The following BABAM2 variants were observed in gnomAD, a reference collection of about 807,000 sequenced individuals.
The protein encoded by BABAM2 is BRISC and BRCA1 A complex member 2, also known as BRISC and BRCA1-A complex member 2.
A neutral mutation model predicts 54.7 loss-of-function variants in BABAM2; 31 were observed. The ratio of observed to expected loss-of-function variants is 0.57; its 90% CI spans 0.43 to 0.77. The LOEUF is 0.77. Ranked by LOEUF, BABAM2 falls within the 30% of genes least tolerant of loss-of-function variation. The pLI, the probability that BABAM2 is intolerant of heterozygous loss-of-function variation, is 0.00. For missense variants in BABAM2, 364 were observed against 455.8 expected (o/e 0.80, Z 1.83); for synonymous variants, 167 against 162.9 (o/e 1.03, Z -0.19).
chr2:27,986,786 A>G (rs566732594), intron 3 of BABAM2, among the ~76,000 whole-genome samples: 1 of 152,318 alleles, frequency 6.6e-6, no homozygotes, highest in East Asian at 1.9e-4. Context: ...TTATGTATGT[A>G]TGTGTACAGA....
intron 4 of BABAM2, among the ~76,000 whole-genome samples, chr2:27,998,674 C>G (rs1573360783): frequency 6.6e-6 from 1 of 152,092 alleles, no homozygotes; most frequent in East Asian, 1.9e-4. Context: ...CCACTTGAAT[C>G]TAAATGAAAT....
chr2:28,306,504 C>G lies in BABAM2; in HGVS notation c.1088+8013C>G, dbSNP rs13410067. Among the ~76,000 whole-genome samples, 21 of 152,174 alleles carry G rather than the reference C, an allele frequency of 1.4e-4. No individual in the cohort carries two copies. The East Asian group carries it at 4.0e-3, about 29-fold the overall frequency. Reference sequence around the variant, plus strand: ...CTGGCAATATTCTTTGACTTGAAATCTGCTCCATTTGATATTAAAATTGTT... The same window carrying G: ...CTGGCAATATTCTTTGACTTGAAATGTGCTCCATTTGATATTAAAATTGTT... On this transcript the variant is annotated intron_variant, in intron 11 of 11. Transcript: ENST00000379624.
At position 28,215,513 on chromosome 2, in the gene BABAM2, A is replaced by G. The variant is rs1412276470; in HGVS notation, c.681-21689A>G. Among the ~76,000 whole-genome samples, 4 of 152,342 alleles carry G rather than the reference A, an allele frequency of 2.6e-5. No homozygotes were observed. The South Asian group carries it at 8.3e-4, about 32-fold the overall frequency. On this transcript the variant is annotated intron_variant, in intron 7 of 11. Coordinates refer to ENST00000379624, the MANE Select transcript of BABAM2 (RefSeq NM_199191.3). ...GGCATTTGGGATGACACAGGGTTAT[A>G]TGAAGTACATAATTCATTTTAGAAG...
intron 5 of BABAM2, among the ~76,000 whole-genome samples, chr2:28,041,561 G>C (rs1406588059): frequency 6.6e-6 from 1 of 152,200 alleles, no homozygotes; most frequent in Non-Finnish European, 1.5e-5. Context: ...TACCATGGAG[G>C]AGAGAGTTTC....
chr2:28,112,914 G>A (rs1456918744), intron 6 of BABAM2, among the ~76,000 whole-genome samples: 4 of 152,162 alleles, frequency 2.6e-5, no homozygotes, highest in East Asian at 3.9e-4. Flanking sequence ...GCATGAGATG[G>A]TATCTCATTG....
In BABAM2 at chr2:28,018,355, C is replaced by G. The variant is rs369172211; in HGVS notation, c.301-6871C>G. Among the ~76,000 whole-genome samples, 19 of 152,288 alleles carry G rather than the reference C, an allele frequency of 1.2e-4. 1 individual carries two copies. Among genetic ancestry groups the G allele is most frequent in the African/African-American group, 4.3e-4 (18 of 41,562 alleles). On this transcript the variant is annotated intron_variant, in intron 4 of 11. Coordinates refer to ENST00000379624, the MANE Select transcript of BABAM2 (RefSeq NM_199191.3). ...GCCATTATTTCATTACTTTTTATGG[C>G]TGAGTAGTATTCCATGATATATATC...
chr2:28,229,263 C>T (rs1260835303), intron 7 of BABAM2, among the ~76,000 whole-genome samples: 2 of 152,110 alleles, frequency 1.3e-5, no homozygotes, highest in Non-Finnish European at 1.5e-5. Context: ...AGTTCGATGC[C>T]TCTTTGTCAT....
chr2:28,166,697 C>G (rs567840050), intron 7 of BABAM2, among the ~76,000 whole-genome samples: 188 of 152,292 alleles, frequency 1.2e-3, no homozygotes, highest in African/African-American at 4.4e-3. Flanking sequence ...CTGGGAGCCC[C>G]GCTCATGACA....
intron 5 of BABAM2, among the ~76,000 whole-genome samples, chr2:28,035,256 T>C (rs553011655): frequency 1.3e-5 from 2 of 152,320 alleles, no homozygotes; most frequent in South Asian, 4.1e-4. Context: ...TATTTTTCTT[T>C]CAGACAGCAC....
intron 7 of BABAM2, chr2:28,233,396 A>T: frequency 2.6e-6 from 1 of 383,500 alleles, no homozygotes; most frequent in South Asian, 2.1e-5. Context: ...ATATTTTTTG[A>T]TTCATGAATA....
At chr2:27,920,857 G>C (rs1667295171) in intron 2 of BABAM2, among the ~76,000 whole-genome samples, 1 of 152,128 alleles carries the variant, frequency 6.6e-6, no homozygotes, top group Admixed American at 6.5e-5. Flanking sequence ...CAAAAAACAG[G>C]GTTAGCCCTA....
chr2:28,166,777 T>C (rs1029653256), intron 7 of BABAM2, among the ~76,000 whole-genome samples: 1 of 152,156 alleles, frequency 6.6e-6, no homozygotes, highest in African/African-American at 2.4e-5. Flanking sequence ...CTAGGGTGCT[T>C]CTCTATCTCT....
chr2:28,273,273 A>T (rs1685581455), intron 10 of BABAM2, among the ~76,000 whole-genome samples: 1 of 152,226 alleles, frequency 6.6e-6, no homozygotes. Flanking sequence ...GCAGTGGTTC[A>T]TGCCCTGACT....
At chr2:27,966,323 TTTTTCTTTA>T (rs1670840352) in intron 3 of BABAM2, among the ~76,000 whole-genome samples, 1 of 152,248 alleles carries the variant, frequency 6.6e-6, no homozygotes, top group South Asian at 2.1e-4. Flanking sequence ...AAATTCTTTC[TTTTTCTTTA>T]TTTTCCAGTT....
intron 2 of BABAM2, 161 bp downstream of exon 2, chr2:27,894,845 C>A: frequency 1.4e-6 from 1 of 715,460 alleles, no homozygotes; most frequent in Non-Finnish European, 2.2e-6. Flanking sequence ...CAGTTCTTGA[C>A]ATTTTATGTT....
intron 6 of BABAM2, among the ~76,000 whole-genome samples, chr2:28,073,402 G>A (rs1398332843): frequency 6.6e-6 from 1 of 152,112 alleles, no homozygotes; most frequent in Non-Finnish European, 1.5e-5. Flanking sequence ...AGAGGCTGAG[G>A]CAGGAGGACC....
chr2:28,299,831 C>G (rs939686464), intron 11 of BABAM2, among the ~76,000 whole-genome samples: 1 of 152,168 alleles, frequency 6.6e-6, no homozygotes, highest in East Asian at 1.9e-4. Context: ...CTTGCCTCCC[C>G]CTCCCAGAGA....
At chr2:28,061,437 T>C (rs1201833141) in intron 6 of BABAM2, among the ~76,000 whole-genome samples, 4 of 151,622 alleles carry the variant, frequency 2.6e-5, no homozygotes, top group Non-Finnish European at 5.9e-5. Context: ...TACAAAAAAT[T>C]AGCTGGGCGT....
chr2:28,263,154 A>G (rs1274015739), intron 10 of BABAM2, among the ~76,000 whole-genome samples: 1 of 151,260 alleles, frequency 6.6e-6, no homozygotes, highest in Non-Finnish European at 1.5e-5. Context: ...AAAAGAAGAA[A>G]AGAAAGGAAG....
Sources: allele counts gnomAD v4.1 joint callset (sites outside exome capture counted in the v4.1 genomes callset), GRCh38; gene constraint gnomAD v4.1.1; transcripts MANE v1.5; gene names NCBI Gene and HGNC (gene_info 2026-07-23, HGNC 2026-07-21).